Variants in HECTD4 observed in about 807,000 individuals in gnomAD.
The protein encoded by HECTD4 is HECT domain E3 ubiquitin protein ligase 4.
Under a neutral mutation model 471.5 loss-of-function variants are expected in HECTD4, and 114 were observed. The observed-to-expected ratio is 0.24, with a 90% CI of 0.21 to 0.28. The LOEUF is 0.28. Among genes scored for constraint, HECTD4 ranks in the 10% least tolerant of loss-of-function variants. The pLI is 1.00. For synonymous variants in HECTD4, 2,012 were observed against 2,256.0 expected, an observed-to-expected ratio of 0.89 and a Z score of 3.07; for missense variants, 3,866 against 5,651.5, an observed-to-expected ratio of 0.68 and a Z score of 10.13.
Position 112,320,215 on chromosome 12 carries a change from G to A in HECTD4, c.178-473C>T, listed in dbSNP as rs1042941092. ...CCAGGCTTGGTGGTGTGCACCTGTC[G>A]TTGCGGCTACTTGGGAGACTGAGGT... is the stretch of plus-strand genomic sequence containing the variant. On this transcript the variant is annotated intron_variant, in intron 1 of 75. Transcript: ENST00000682272. Among the ~76,000 whole-genome samples, 117 of 152,042 alleles carry A rather than the reference G, an allele frequency of 7.7e-4. 4 individuals are homozygous for A. The highest frequency in any genetic ancestry group is 9.4e-4 in the African/African-American group (39 of 41,466).
Position 112,346,189 on chromosome 12 carries a change from A to C in HECTD4, c.178-26447T>G, listed in dbSNP as rs576965912. 5.3e-5 allele frequency among the ~76,000 whole-genome samples: 8 copies of C among 152,306 alleles called. No individual in the cohort carries two copies. In the East Asian group the frequency reaches 1.5e-3, roughly 29 times the overall value. ...CACTTGTAATTGGTGTACTAGAATT[A>C]AAAGGCAGTCTCTAAACTCAGAGCC... On this transcript the variant is annotated intron_variant, in intron 1 of 75. Transcript: ENST00000682272.
intron 55 of HECTD4, among the ~76,000 whole-genome samples, chr12:112,198,374 AGAG>A (rs1210463354): frequency 6.6e-6 from 1 of 152,210 alleles, no homozygotes; most frequent in African/African-American, 2.4e-5. Flanking sequence ...TGAGCACCAC[AGAG>A]GAGGGGCTGC....
At chr12:112,263,880 C>G (rs746336971) in intron 17 of HECTD4, among the ~76,000 whole-genome samples, 1 of 152,014 alleles carries the variant, frequency 6.6e-6, no homozygotes, top group African/African-American at 2.4e-5. Context: ...CAGGAGCACA[C>G]GGATGACACA....
intron 55 of HECTD4, among the ~76,000 whole-genome samples, chr12:112,195,548 G>C (rs1336995999): frequency 6.6e-6 from 1 of 152,204 alleles, no homozygotes; most frequent in East Asian, 1.9e-4. Context: ...AAATTGTCCA[G>C]AGGAAAATGC....
At chr12:112,267,914 A>G (rs2034316900) in intron 13 of HECTD4, among the ~76,000 whole-genome samples, 1 of 152,124 alleles carries the variant, frequency 6.6e-6, no homozygotes, top group South Asian at 2.1e-4. Flanking sequence ...TTGACCTCCC[A>G]GGCTCAAGTG....
At chr12:112,278,251 C>T (rs1030548875) in intron 9 of HECTD4, among the ~76,000 whole-genome samples, 1 of 151,748 alleles carries the variant, frequency 6.6e-6, no homozygotes, top group South Asian at 2.1e-4. Flanking sequence ...TTTGGGGTGA[C>T]GGATAGATTA....
intron 49 of HECTD4, among the ~76,000 whole-genome samples, chr12:112,211,519 G>A (rs1484101327): frequency 2.0e-5 from 3 of 151,032 alleles, no homozygotes; most frequent in Non-Finnish European, 4.4e-5. Context: ...CCTTAGAGAT[G>A]TCCTGAAGGG....
rs1218678165 is a variant in HECTD4 at position 112,188,122 on chromosome 12, A to T, written c.9473-2629T>A. Among the ~76,000 whole-genome samples, 3 of 151,898 alleles carry T rather than the reference A, an allele frequency of 2.0e-5. No individual in the cohort carries two copies. The highest frequency in any genetic ancestry group is 7.2e-5 in the African/African-American group (3 of 41,382). ...GCTAACATGGTGAAATCCTGTTTCT[A>T]CTAAAAATACAAAAAAATTAGCTGG... is the stretch of plus-strand genomic sequence containing the variant. On this transcript the variant is annotated intron_variant, in intron 60 of 75. Coordinates refer to ENST00000682272, the MANE Select transcript of HECTD4 (RefSeq NM_001388303.1). This position sits in a 1 kb window ranked among gnomAD's most constrained non-coding sequence, Gnocchi z 4.2.
In HECTD4 at chr12:112,326,596, T is replaced by C. The variant is rs190649145; in HGVS notation, c.178-6854A>G. On this transcript the variant is annotated intron_variant, in intron 1 of 75. Transcript: ENST00000682272. ...TTCTGGGAAAATACTGGACAACAGA[T>C]ACCAGCCAGCCATGATGTGAAATGT... Among the ~76,000 whole-genome samples, 154 of 152,304 alleles carry C rather than the reference T, an allele frequency of 1.0e-3. 2 individuals are homozygous for C. Among genetic ancestry groups the C allele is most frequent in the Admixed American group, 8.7e-3 (133 of 15,298 alleles).
chr12:112,322,986 A>T (rs1422254618), intron 1 of HECTD4: 1 of 176,204 alleles, frequency 5.7e-6, no homozygotes, highest in Non-Finnish European at 1.2e-5. Flanking sequence ...AGATGAGAGA[A>T]AACAGCACAA....
chr12:112,277,479 A>G (rs1323200241), intron 9 of HECTD4, among the ~76,000 whole-genome samples: 1 of 152,228 alleles, frequency 6.6e-6, no homozygotes, highest in East Asian at 1.9e-4. Context: ...TCTGGTGTCA[A>G]GAGACTTGGA....
intron 22 of HECTD4, among the ~76,000 whole-genome samples, chr12:112,253,205 A>G (rs963068758): frequency 2.0e-5 from 3 of 151,500 alleles, no homozygotes; most frequent in Non-Finnish European, 4.4e-5. Flanking sequence ...ACTCACTGCA[A>G]CCTCCACCTC....
chr12:112,268,840 T>C (rs1050844405), intron 13 of HECTD4, among the ~76,000 whole-genome samples: 1 of 144,800 alleles, frequency 6.9e-6, no homozygotes, highest in African/African-American at 2.5e-5. Context: ...GAAAATGGCC[T>C]ATAAATTCTG....
At chr12:112,330,427 T>TAA (rs1216137065) in intron 1 of HECTD4, among the ~76,000 whole-genome samples, 1 of 152,214 alleles carries the variant, frequency 6.6e-6, no homozygotes, top group African/African-American at 2.4e-5. Flanking sequence ...ATTACATACT[T>TAA]AAAGACTAAT....
chr12:112,195,524 G>A lies in HECTD4; in HGVS notation c.8568-458C>T, dbSNP rs1377158156. Among the ~76,000 whole-genome samples the A allele has an allele frequency of 2.0e-5, 3 of 152,188 alleles. No individual in the cohort carries two copies. The East Asian group carries it at 5.8e-4, about 29-fold the overall frequency. On this transcript the variant is annotated intron_variant, in intron 55 of 75. Transcript: ENST00000682272. The stretch of plus-strand genomic sequence containing the variant: ...ACCAGATACAAAGGGCCACATATTG[G>A]ATTCCATTTCTGTAAATTGTCCAGA...
At position 112,193,623 on chromosome 12, in the gene HECTD4, C is replaced by A. The variant is rs750031265; in HGVS notation, c.8801G>T (p.Cys2934Phe). ...SILLAQSLQHCIHSQNCSATD... is the reference protein window; with the variant it reads ...SILLAQSLQHFIHSQNCSATD... ...GGCGGAGCAGTTCTGGGAATGGATG[C>A]AATGCTGTAAAGACTGCGCCAGGAG... The change falls in exon 57 of 76, where the codon TGC becomes TTC. Residue 2934 changes from cysteine (C) to phenylalanine (F), a missense_variant. Transcript: ENST00000682272. This position sits in a 1 kb window ranked among gnomAD's most constrained non-coding sequence, Gnocchi z 5.2. The A allele has an allele frequency of 6.2e-7, 1 of 1,613,196 alleles. No individual in the cohort carries two copies. Among genetic ancestry groups the A allele is most frequent in the South Asian group, 1.1e-5 (1 of 90,816 alleles).
intron 47 of HECTD4, 52 bp downstream of exon 47, chr12:112,216,721 C>A: frequency 6.3e-7 from 1 of 1,595,314 alleles, no homozygotes; most frequent in Non-Finnish European, 8.6e-7. Flanking sequence ...CCTATACACA[C>A]CTTGTGGGAG....
rs1232300691 is a variant in HECTD4, at chr12:112,382,181, G to C, written c.-53C>G. 2.5e-6 allele frequency: 3 copies of C among 1,200,318 alleles called. No individual in the cohort carries two copies. Among genetic ancestry groups the C allele is most frequent in the Non-Finnish European group, 3.1e-6 (3 of 964,890 alleles). The allele number at this position is 1,200,318 out of a possible 1,614,324, so 74.4% of individuals were successfully genotyped here. On this transcript the variant is annotated 5_prime_UTR_variant, in exon 1 of 76. Coordinates refer to ENST00000682272, the MANE Select transcript of HECTD4 (RefSeq NM_001388303.1). The stretch of plus-strand genomic sequence containing the variant: ...GAGCAGACGCCCGGCCGGGGGAAAC[G>C]GAGCAGGAGCCGCCGCGATCACCAG...
Position 112,228,013 on chromosome 12 carries a change from G to A in HECTD4, c.6854+76C>T, listed in dbSNP as rs1357046317. The A allele has an allele frequency of 4.4e-6, 6 of 1,363,408 alleles. No individual in the cohort carries two copies. Among genetic ancestry groups the A allele is most frequent in the Admixed American group, 2.4e-5 (1 of 42,048 alleles). The allele number at this position is 1,363,408 out of a possible 1,614,324, so 84.5% of individuals were successfully genotyped here. A position where few individuals can be genotyped will look rare whatever the true frequency, so the allele number is the denominator to read the frequency against. On this transcript the variant is annotated intron_variant, in intron 43 of 75. Transcript: ENST00000682272. The surrounding 1 kb of genome is among the most constrained non-coding windows in gnomAD (Gnocchi z 4.9). ...GTGGATTCACTAAGTTGGGAGTGGA[G>A]GGGCCCACCAAGGATCCCTTCTTCT...
Sources: allele counts gnomAD v4.1 joint callset (sites outside exome capture counted in the v4.1 genomes callset), GRCh38; gene constraint gnomAD v4.1.1; non-coding constraint Gnocchi (gnomAD v3.1); transcripts MANE v1.5; gene names NCBI Gene and HGNC (gene_info 2026-07-23, HGNC 2026-07-21).